The following ANKRD28 variants were observed in gnomAD, a reference collection of about 807,000 sequenced individuals.
ANKRD28 encodes ankyrin repeat domain 28.
In ANKRD28, 44 loss-of-function variants were observed where a neutral mutation model predicts 126.5. The observed-to-expected ratio is 0.35, with a 90% confidence interval of 0.27 to 0.45. The LOEUF (loss-of-function observed/expected upper bound fraction) is 0.45. Among genes scored for constraint, ANKRD28 ranks in the 20% least tolerant of loss-of-function variants. The probability of loss-of-function intolerance (pLI) is 1.00; values close to 1 mark genes in which losing one functional copy is unlikely to be tolerated. For missense variants in ANKRD28, 1,110 were observed against 1,316.6 expected (o/e 0.84, Z 2.43); for synonymous variants, 442 against 468.5 (o/e 0.94, Z 0.73).
intron 6 of ANKRD28, among the ~76,000 whole-genome samples, chr3:15,728,217 CAA>C (rs772674924): frequency 5.9e-5 from 9 of 151,528 alleles, no homozygotes; most frequent in Non-Finnish European, 8.8e-5. Context: ...AAAGAAAAAA[CAA>C]AGACATGTAT....
At chr3:15,779,123 T>C (rs1397969306) in intron 2 of ANKRD28, among the ~76,000 whole-genome samples, 1 of 152,120 alleles carries the variant, frequency 6.6e-6, no homozygotes, top group Non-Finnish European at 1.5e-5. Context: ...ACTCATACAA[T>C]ACCCTATCAT....
At position 15,812,265 on chromosome 3, in the gene ANKRD28, G is replaced by C. The variant is rs1179432107; in HGVS notation, c.28-16959C>G. 6.6e-6 allele frequency among the ~76,000 whole-genome samples: 1 copy of C among 152,200 alleles called. No homozygotes were observed. The highest frequency in any genetic ancestry group is 1.5e-5 in the Non-Finnish European group (1 of 68,040). On this transcript the variant is annotated intron_variant, in intron 1 of 27. Transcript: ENST00000399451. This position sits in a 1 kb window ranked among gnomAD's most constrained non-coding sequence, Gnocchi z 4.1. The stretch of plus-strand genomic sequence containing the variant: ...ACAGCGGTGTACACCTGTAGTCCCA[G>C]CTACTTGGGAGGCTGAGATGGGAAA...
chr3:15,805,193 A>AC (rs1209395849), intron 1 of ANKRD28, among the ~76,000 whole-genome samples: 1 of 151,568 alleles, frequency 6.6e-6, no homozygotes, highest in Non-Finnish European at 1.5e-5. Flanking sequence ...TCAACAGGCC[A>AC]AACTAACACA....
At chr3:15,763,044 T>C (rs559651469) in intron 3 of ANKRD28, among the ~76,000 whole-genome samples, 42 of 152,360 alleles carry the variant, frequency 2.8e-4, no homozygotes, top group Non-Finnish European at 5.3e-4. Flanking sequence ...GGTTTATTTC[T>C]TTATTTTTTT....
chr3:15,803,614 TAA>T (rs145887818), intron 1 of ANKRD28, among the ~76,000 whole-genome samples: 45 of 125,174 alleles, frequency 3.6e-4, no homozygotes, highest in Admixed American at 5.7e-4. Flanking sequence ...AGACTCCATT[TAA>T]AAAAAAAAAA....
At chr3:15,835,238 A>T (rs1440382183) in intron 1 of ANKRD28, among the ~76,000 whole-genome samples, 1 of 152,226 alleles carries the variant, frequency 6.6e-6, no homozygotes, top group Non-Finnish European at 1.5e-5. Flanking sequence ...TACACACCTC[A>T]TTCCATATAC....
Position 15,797,758 on chromosome 3 carries a change from C to G in ANKRD28, c.-1237G>C. Reference sequence around the variant, plus strand: ...TTTCCTTCCACTGTGAAAACCGCCACAGTTATCCTTTTCAGATTTCAAATG... The same window carrying G: ...TTTCCTTCCACTGTGAAAACCGCCAGAGTTATCCTTTTCAGATTTCAAATG... On this transcript the variant is annotated 5_prime_UTR_variant, in exon 1 of 28. Transcript: ENST00000683139. 1 of 985,204 alleles carries G rather than the reference C, an allele frequency of 1.0e-6. No individual in the cohort carries two copies. The highest frequency in any genetic ancestry group is 1.7e-5 in the African/African-American group (1 of 57,346). 61.0% of individuals were successfully genotyped at this position (985,204 alleles called of 1,614,324 possible).
At chr3:15,729,560 G>A (rs1364397426) in intron 6 of ANKRD28, among the ~76,000 whole-genome samples, 2 of 152,190 alleles carry the variant, frequency 1.3e-5, no homozygotes, top group African/African-American at 4.8e-5. Flanking sequence ...AAGGCCAAGA[G>A]CAGCATAGAA....
chr3:15,850,204 A>AAAAATATATATATATATATATATATAT (rs1486394619), intron 1 of ANKRD28, among the ~76,000 whole-genome samples: 1 of 54,832 alleles, frequency 1.8e-5, no homozygotes, highest in Non-Finnish European at 3.8e-5. Context: ...AAAAAAAAAA[A>AAAAATATATATATATATATATATATAT]ATATATATAT....
Position 15,724,453 on chromosome 3 carries a change from T to C in ANKRD28, c.712A>G (p.Thr238Ala), listed in dbSNP as rs1430752815. ...EVTCKDKKSY[T>A]PLHAAASSGM... is the part of the protein sequence containing the mutation. Reference sequence around the variant, plus strand: ...CTAGAGGCTGCTGCATGAAGAGGTGTATAAGACTTTTTATCCTTGCATGTC... The same window carrying C: ...CTAGAGGCTGCTGCATGAAGAGGTGCATAAGACTTTTTATCCTTGCATGTC... The change falls in exon 7 of 28, where the codon ACA becomes GCA. Residue 238 changes from threonine (T) to alanine (A), a missense_variant. Physicochemically the swap from Thr to Ala is moderately conservative, Grantham distance 58. Coordinates refer to ENST00000683139, the MANE Select transcript of ANKRD28 (RefSeq NM_001349278.2). 1.2e-6 allele frequency: 2 copies of C among 1,600,976 alleles called. No individual in the cohort carries two copies. Among genetic ancestry groups the C allele is most frequent in the South Asian group, 2.3e-5 (2 of 88,624 alleles).
In ANKRD28 at chr3:15,749,265, C is replaced by T. The variant is rs532247934; in HGVS notation, c.351+2485G>A. Among the ~76,000 whole-genome samples the T allele has an allele frequency of 1.3e-4, 20 of 150,926 alleles. No homozygotes were observed. The East Asian group carries it at 3.1e-3, about 24-fold the overall frequency. On this transcript the variant is annotated intron_variant, in intron 4 of 27. Coordinates refer to ENST00000683139, the MANE Select transcript of ANKRD28 (RefSeq NM_001349278.2). ...AGCTGGGACTACAGGCGCCCGCCAC[C>T]GCGCCCGGCTAATTTTTTGTATTTT...
chr3:15,691,125 C>CT (rs535516050), intron 17 of ANKRD28, among the ~76,000 whole-genome samples: 587 of 141,436 alleles, frequency 4.2e-3, no homozygotes, highest in Middle Eastern at 0.011. Flanking sequence ...CTGAAGTTGT[C>CT]TTTTTTTTTT....
At position 15,707,868 on chromosome 3, in the gene ANKRD28, G is replaced by C. The variant is rs2071669049; in HGVS notation, c.1547+56C>G. On this transcript the variant is annotated intron_variant, in intron 14 of 27. Coordinates refer to ENST00000683139, the MANE Select transcript of ANKRD28 (RefSeq NM_001349278.2). ...AATTTGCAACAAAAACATCCATATGGAAGATGCCAGTTTATAGAAATATTG... is the reference window on the plus strand; with the variant it reads ...AATTTGCAACAAAAACATCCATATGCAAGATGCCAGTTTATAGAAATATTG... The C allele has an allele frequency of 1.9e-6, 3 of 1,567,284 alleles. No homozygotes were observed. The East Asian group carries it at 6.8e-5, about 36-fold the overall frequency.
intron 16 of ANKRD28, 50 bp downstream of exon 16, chr3:15,695,138 G>C (rs1166211561): frequency 7.0e-7 from 1 of 1,425,536 alleles, no homozygotes; most frequent in Admixed American, 1.8e-5. Flanking sequence ...TAACTGGTAG[G>C]AGGGAACTGA....
chr3:15,761,279 A>G (rs1270200162), intron 3 of ANKRD28, among the ~76,000 whole-genome samples: 1 of 152,184 alleles, frequency 6.6e-6, no homozygotes, highest in Non-Finnish European at 1.5e-5. Context: ...GGTAATTAAC[A>G]TGAAGTGTAA....
At chr3:15,716,771 GTA>G (rs1172584616) in intron 8 of ANKRD28, among the ~76,000 whole-genome samples, 4 of 152,196 alleles carry the variant, frequency 2.6e-5, no homozygotes, top group Admixed American at 2.6e-4. Context: ...TAACATTTAT[GTA>G]TACATAGCAC....
At chr3:15,786,207 G>A (rs1450111470) in intron 2 of ANKRD28, among the ~76,000 whole-genome samples, 4 of 151,972 alleles carry the variant, frequency 2.6e-5, no homozygotes, top group East Asian at 1.9e-4. Context: ...ATTAATGTAG[G>A]TACATCAATT....
rs746995363 is a variant in ANKRD28, at chr3:15,676,966, G to C, written c.2873+8C>G. ...ACAAAGTTTATACTAGATACTGACA[G>C]TACTCACGTTTGCAAGGCTGCGTTG... On this transcript the variant is annotated splice_region_variant and intron_variant, in intron 26 of 27. Coordinates refer to ENST00000683139, the MANE Select transcript of ANKRD28 (RefSeq NM_001349278.2). 2 of 1,607,638 alleles carry C rather than the reference G, an allele frequency of 1.2e-6. No homozygotes were observed. Among genetic ancestry groups the C allele is most frequent in the Non-Finnish European group, 8.5e-7 (1 of 1,174,690 alleles).
At position 15,845,208 on chromosome 3, in the gene ANKRD28, A is replaced by T. The variant is rs2061506243; in HGVS notation, c.27+14169T>A. Among the ~76,000 whole-genome samples the T allele has an allele frequency of 6.6e-6, 1 of 152,232 alleles. No individual in the cohort carries two copies. The highest frequency in any genetic ancestry group is 1.5e-5 in the Non-Finnish European group (1 of 68,042). ...TCCAAACCATATCACTATTTTAAAA[A>T]TAACTTACAATGCATTTCTTCAAAA... On this transcript the variant is annotated intron_variant, in intron 1 of 27. Transcript: ENST00000399451. The surrounding 1 kb of genome is among the most constrained non-coding windows in gnomAD (Gnocchi z 4.9).
Sources: allele counts gnomAD v4.1 joint callset (sites outside exome capture counted in the v4.1 genomes callset), GRCh38; gene constraint gnomAD v4.1.1; non-coding constraint Gnocchi (gnomAD v3.1); transcripts MANE v1.5; gene names NCBI Gene and HGNC (gene_info 2026-07-23, HGNC 2026-07-21).